RIF1: variants seen among roughly 807,000 people sequenced by gnomAD.
The protein encoded by RIF1 is replication timing regulatory factor 1.
Under a neutral mutation model 247.1 loss-of-function variants are expected in RIF1, and 45 were observed. The ratio of observed to expected loss-of-function variants is 0.18; its 90% CI spans 0.14 to 0.23. The LOEUF is 0.23. Among genes scored for constraint, RIF1 ranks in the 10% least tolerant of loss-of-function variants. The probability of loss-of-function intolerance (pLI) is 1.00; values close to 1 mark genes in which losing one functional copy is unlikely to be tolerated. For missense variants in RIF1, 2,967 were observed against 2,862.5 expected (o/e 1.04, Z -0.83); for synonymous variants, 1,087 against 978.8 (o/e 1.11, Z -2.06).
chr2:151,488,167 T>C (rs1211074896), intron 9 of RIF1, among the ~76,000 whole-genome samples: 1 of 152,098 alleles, frequency 6.6e-6, no homozygotes, highest in Non-Finnish European at 1.5e-5. Flanking sequence ...ATCAGTGAAT[T>C]TTAGAGTTCT....
intron 13 of RIF1, 49 bp downstream of exon 13, chr2:151,437,400 G>C (rs371696900): frequency 1.9e-5 from 27 of 1,418,962 alleles, no homozygotes; most frequent in Non-Finnish European, 2.6e-5. Context: ...TTAAAAAGAA[G>C]AAAAAATAGG....
intron 12 of RIF1, among the ~76,000 whole-genome samples, chr2:151,503,692 G>A (rs1473008733): frequency 1.3e-5 from 2 of 152,064 alleles, no homozygotes; most frequent in Non-Finnish European, 2.9e-5. Context: ...TGCCTAAAAT[G>A]CATTAATAAA....
chr2:151,411,294 A>G lies in RIF1; in HGVS notation c.139A>G (p.Thr47Ala). 6.2e-7 allele frequency: 1 copy of G among 1,605,694 alleles called. No homozygotes were observed. The highest frequency in any genetic ancestry group is 8.5e-7 in the Non-Finnish European group (1 of 1,174,564). Residue 47 changes from threonine to alanine, a missense_variant, in exon 3 of 36, where the codon ACA becomes GCA. Thr to Ala is a moderately conservative substitution (Grantham distance 58). Around this residue, in one of 7 missense-constraint regions of RIF1, gnomAD observed 269 missense variants for 288.6 expected, o/e 0.93. Transcript: ENST00000444746. The stretch of plus-strand genomic sequence containing the variant: ...TGGAGAAGAAGGAAAAGAAGTAATT[A>G]CAGAAATTGAGAAAAAACTTCCTCG... ...MTGEEGKEVI[T>A]EIEKKLPRLY...
rs772584927 is a variant in RIF1 at position 151,502,805 on chromosome 2, C to A, written c.*710-229C>A. On this transcript the variant is annotated intron_variant and NMD_transcript_variant, in intron 11 of 13. Coordinates refer to the RIF1 transcript ENST00000454583. ...CCCTAAGAAATACCGAGCTAAAGTT[C>A]TCTTGATTGCGTTTGACTCTCTCCA... The A allele has an allele frequency of 2.5e-6, 4 of 1,590,198 alleles. No homozygotes were observed. Among genetic ancestry groups the A allele is most frequent in the African/African-American group, 1.4e-5 (1 of 72,694 alleles).
intron 10 of RIF1, among the ~76,000 whole-genome samples, chr2:151,495,555 C>G (rs1358167867): frequency 6.6e-6 from 1 of 152,180 alleles, no homozygotes; most frequent in East Asian, 1.9e-4. Context: ...TGAAGTCCCC[C>G]TGCAAACCTC....
chr2:151,490,174 T>G (rs1273688844), intron 9 of RIF1: 4 of 1,199,742 alleles, frequency 3.3e-6, no homozygotes, highest in African/African-American at 1.5e-5. Context: ...TCCCCCAACT[T>G]AGAATGATTT....
intron 2 of RIF1, 30 bp from the exon 3 acceptor site, chr2:151,411,230 C>T (rs767601004): frequency 2.2e-5 from 30 of 1,376,824 alleles, no homozygotes; most frequent in Middle Eastern, 3.7e-4. Flanking sequence ...CTGTCAACTA[C>T]TTAAACTTGT....
intron 8 of RIF1, among the ~76,000 whole-genome samples, chr2:151,427,525 AT>A (rs58446169): frequency 4.5e-4 from 60 of 134,598 alleles, no homozygotes; most frequent in East Asian, 2.0e-3. Flanking sequence ...TTTTTTTTTA[AT>A]TTTTTTTTTT....
intron 10 of RIF1, chr2:151,498,441 G>GAAGA (rs2061833888): frequency 1.1e-6 from 1 of 878,144 alleles, no homozygotes; most frequent in South Asian, 1.8e-5. Context: ...GGGAAGGGAG[G>GAAGA]AAGAGAGTAA....
In RIF1 at chr2:151,469,752, A is replaced by G. The variant is rs1429131630; in HGVS notation, c.6983A>G (p.Lys2328Arg). The part of the protein sequence containing the change: ...LGQLIRAKNI[K>R]TIGDLSTLTA... ...CAACTCATTAGAGCTAAGAATATAA[A>G]AACTATTGGTGATTTGAGTACTCTT... The change falls in exon 34 of 36, where the codon AAA (lysine) becomes AGA (arginine). Residue 2328 changes from lysine (K) to arginine (R), a missense_variant. Transcript: ENST00000444746. 1 of 1,607,800 alleles carries G rather than the reference A, an allele frequency of 6.2e-7. No individual in the cohort carries two copies. The highest frequency in any genetic ancestry group is 1.7e-5 in the Admixed American group (1 of 59,414).
chr2:151,425,971 G>A (rs949461999), intron 8 of RIF1, among the ~76,000 whole-genome samples: 2 of 151,192 alleles, frequency 1.3e-5, no homozygotes, highest in Non-Finnish European at 2.9e-5. Context: ...GAGCCACCGC[G>A]CCTGGCCTGT....
chr2:151,493,804 C>G, intron 9 of RIF1: 1 of 1,585,638 alleles, frequency 6.3e-7, no homozygotes, highest in Non-Finnish European at 8.6e-7. Flanking sequence ...TTGCGTTTCA[C>G]TCTTTCCATC....
chr2:151,505,469 G>A lies in RIF1; in HGVS notation c.*862-741G>A, dbSNP rs762973833. ...TCACACAAATGGAAGCTGAGAGTAT[G>A]GCCACTACCGAGCTAATGTGCTTCT... On this transcript the variant is annotated intron_variant and NMD_transcript_variant, in intron 12 of 13. Coordinates refer to the RIF1 transcript ENST00000454583. 7.4e-6 allele frequency: 12 copies of A among 1,610,954 alleles called. No homozygotes were observed. In the Admixed American group the frequency reaches 2.0e-4, roughly 27 times the overall value.
rs1425859184 is a variant in RIF1, at chr2:151,464,311, T to C, written c.4791T>C (p.Ala1597=). ...TGGTGAAACAGGAATGTATAAAAGC[T>C]GAAAATCAGTCACATGATTATAAAG... ...EKVVKQECIK[A]ENQSHDYKAT... The change falls in exon 30 of 36, where the codon GCT becomes GCC. Residue 1597 remains alanine (A), a synonymous_variant. Coordinates refer to ENST00000444746, the MANE Select transcript of RIF1 (RefSeq NM_018151.5). 5 of 1,611,892 alleles carry C rather than the reference T, an allele frequency of 3.1e-6. No individual in the cohort carries two copies. The highest frequency in any genetic ancestry group is 4.2e-6 in the Non-Finnish European group (5 of 1,179,522).
chr2:151,423,009 A>G lies in RIF1; in HGVS notation c.753A>G (p.Lys251=), dbSNP rs1455634222. Residue 251 remains lysine, a synonymous_variant, in exon 8 of 36, where the codon AAA becomes AAG. Transcript: ENST00000444746. The part of the protein sequence containing the change: ...FMSKNETYVL[K]LWPLFVKLLG... ...GTAAAAATGAGACTTACGTGTTAAA[A>G]TTATGGCCTTTGTTTGTCAAACTAC... 2 of 1,598,674 alleles carry G rather than the reference A, an allele frequency of 1.3e-6. No homozygotes were observed. Among genetic ancestry groups the G allele is most frequent in the Non-Finnish European group, 8.6e-7 (1 of 1,167,392 alleles).
chr2:151,513,680 C>T, the RIF1 span: 212 of 1,599,716 alleles, frequency 1.3e-4, no homozygotes, highest in African/African-American at 2.4e-3. Context: ...TTCCAGGTCT[C>T]GCTTATATTC....
chr2:151,425,812 G>A (rs1220970059), intron 8 of RIF1, among the ~76,000 whole-genome samples: 1 of 151,238 alleles, frequency 6.6e-6, no homozygotes, highest in Admixed American at 6.6e-5. Context: ...GATTACAGGC[G>A]CGCACTACCA....
Position 151,416,646 on chromosome 2 carries a change from G to A in RIF1, c.366G>A (p.Val122=). The A allele has an allele frequency of 6.2e-7, 1 of 1,612,716 alleles. No individual in the cohort carries two copies. Among genetic ancestry groups the A allele is most frequent in the Non-Finnish European group, 8.5e-7 (1 of 1,179,688 alleles). The change falls in exon 5 of 36, where the codon GTG becomes GTA. Residue 122 remains valine (V), a synonymous_variant. Coordinates refer to ENST00000444746, the MANE Select transcript of RIF1 (RefSeq NM_018151.5). The part of the protein sequence containing the change: ...DKNVRTRALW[V]ISKQTFPSEV... ...ATGTACGTACTAGAGCACTTTGGGT[G>A]ATATCTAAGCAGACATTTCCCTCTG...
chr2:151,476,419 ACTT>A lies in RIF1; in HGVS notation c.*1355_*1357del, dbSNP rs1366516878. 1.5e-4 allele frequency: 23 copies of A among 152,274 alleles called. No homozygotes were observed. Among genetic ancestry groups the A allele is most frequent in the African/African-American group, 2.6e-4 (11 of 41,570 alleles). 9.4% of individuals were successfully genotyped at this position (152,274 alleles called of 1,614,324 possible). On this transcript the variant is annotated 3_prime_UTR_variant, in exon 36 of 36. Coordinates refer to ENST00000444746, the MANE Select transcript of RIF1 (RefSeq NM_018151.5). ...ATCTTTTTAACTGACAGTATATCTCACTTCTTCTTTGAATAGAATGAGTGAGTG... is the reference window on the plus strand; with the variant it reads ...ATCTTTTTAACTGACAGTATATCTCACTTCTTTGAATAGAATGAGTGAGTG...
Sources: allele counts gnomAD v4.1 joint callset (sites outside exome capture counted in the v4.1 genomes callset), GRCh38; gene constraint gnomAD v4.1.1; regional missense constraint gnomAD v4.1.1; transcripts MANE v1.5; gene names NCBI Gene and HGNC (gene_info 2026-07-23, HGNC 2026-07-21).